MIB1: variants seen among roughly 807,000 people sequenced by gnomAD.
The protein encoded by MIB1 is MIB E3 ubiquitin protein ligase 1, also known as E3 ubiquitin-protein ligase MIB1.
In MIB1, 278 loss-of-function variants were observed where a neutral mutation model predicts 124.5. That is an observed-to-expected ratio of 2.23 (90% CI 2.02 to 2.47). MIB1 has a LOEUF of 2.47. Ranked by LOEUF, MIB1 falls within the 30% of genes most tolerant of loss-of-function variation. The pLI is 0.00. For synonymous variants in MIB1, 446 were observed against 429.4 expected, an observed-to-expected ratio of 1.04 and a Z score of -0.48; for missense variants, 957 against 1,254.4, an observed-to-expected ratio of 0.76 and a Z score of 3.58.
At chr18:21,840,665 ATTTT>A (rs375520508) in intron 13 of MIB1, among the ~76,000 whole-genome samples, 5 of 3,128 alleles carry the variant, frequency 1.6e-3, no homozygotes, top group Admixed American at 5.7e-3. Flanking sequence ...ATATATATAT[ATTTT>A]TTTTTTTTTT....
intron 4 of MIB1, 112 bp from the exon 5 acceptor site, chr18:21,777,991 T>A: frequency 1.4e-6 from 1 of 725,014 alleles, no homozygotes; most frequent in East Asian, 2.6e-5. Flanking sequence ...TGACCTAGAC[T>A]GTTCTTGATT....
chr18:21,856,936 C>G (rs1001928983), intron 18 of MIB1, among the ~76,000 whole-genome samples, 194 bp from the exon 19 acceptor site: 4 of 152,186 alleles, frequency 2.6e-5, no homozygotes, highest in African/African-American at 9.7e-5. Context: ...GATGGGCTCT[C>G]TATTCTGGAG....
At chr18:21,845,733 C>G (rs2042129376) in intron 15 of MIB1, among the ~76,000 whole-genome samples, 1 of 152,128 alleles carries the variant, frequency 6.6e-6, no homozygotes, top group Admixed American at 6.5e-5. Context: ...ACGCGATTCT[C>G]CTGCCTCAGC....
intron 10 of MIB1, among the ~76,000 whole-genome samples, chr18:21,805,895 C>A (rs902083596): frequency 1.7e-5 from 2 of 119,032 alleles, no homozygotes; most frequent in Non-Finnish European, 3.5e-5. Flanking sequence ...AATTTTCTTT[C>A]TTTCCTTTTT....
chr18:21,833,371 A>G (rs1000289890), intron 12 of MIB1, among the ~76,000 whole-genome samples: 1 of 152,168 alleles, frequency 6.6e-6, no homozygotes, highest in African/African-American at 2.4e-5. Flanking sequence ...TTTGATCAAA[A>G]TGTGTTCAGT....
At chr18:21,849,551 CTTATT>C (rs1340879427) in intron 17 of MIB1, among the ~76,000 whole-genome samples, 163 bp downstream of exon 17, 1 of 152,012 alleles carries the variant, frequency 6.6e-6, no homozygotes, top group Non-Finnish European at 1.5e-5. Context: ...ATCAGAATTT[CTTATT>C]TTATTGCTTG....
Position 21,819,614 on chromosome 18 carries a change from T to C in MIB1, c.1797T>C (p.Ala599=). 6.2e-7 allele frequency: 1 copy of C among 1,608,144 alleles called. No individual in the cohort carries two copies. The highest frequency in any genetic ancestry group is 8.5e-7 in the Non-Finnish European group (1 of 1,177,154). The part of the protein sequence containing the change: ...VTITNNNGFN[A]LHHAALRGNP... ...TCACAAACAATAATGGATTTAATGCTCTGCATCATGCTGCACTAAGGGGAA... is the reference window on the plus strand; with the variant it reads ...TCACAAACAATAATGGATTTAATGCCCTGCATCATGCTGCACTAAGGGGAA... The change falls in exon 12 of 21, where the codon GCT becomes GCC. Residue 599 remains alanine, a synonymous_variant. Coordinates refer to ENST00000261537, the MANE Select transcript of MIB1 (RefSeq NM_020774.4).
intron 12 of MIB1, among the ~76,000 whole-genome samples, chr18:21,825,100 C>G (rs1390217244): frequency 6.6e-6 from 1 of 151,810 alleles, no homozygotes; most frequent in Non-Finnish European, 1.5e-5. Context: ...GACTAAAAAC[C>G]TTTGATTCAG....
intron 12 of MIB1, among the ~76,000 whole-genome samples, chr18:21,837,759 G>C (rs1370253609): frequency 6.6e-6 from 1 of 151,972 alleles, no homozygotes; most frequent in Non-Finnish European, 1.5e-5. Flanking sequence ...TTTTGCTCCA[G>C]ACTTGGTTTA....
chr18:21,781,411 AT>A (rs2041365636), intron 6 of MIB1, among the ~76,000 whole-genome samples: 4 of 92,134 alleles, frequency 4.3e-5, no homozygotes, highest in Non-Finnish European at 6.3e-5. Context: ...ATATATATAT[AT>A]ATAAAATTAT....
chr18:21,836,860 A>G (rs965921732), intron 12 of MIB1, among the ~76,000 whole-genome samples: 3 of 152,212 alleles, frequency 2.0e-5, no homozygotes, highest in African/African-American at 7.2e-5. Context: ...CATCAGTAGT[A>G]TAATGTCGTA....
At chr18:21,735,957 T>G (rs1293868765), upstream of MIB1, among the ~76,000 whole-genome samples, 1 of 152,236 alleles carries the variant, frequency 6.6e-6, no homozygotes, top group Non-Finnish European at 1.5e-5. Flanking sequence ...AGCTTCAGCT[T>G]ACTTAAACGT....
In MIB1 at chr18:21,864,807, C is replaced by A; in HGVS notation, c.*141C>A. The A allele has an allele frequency of 1.8e-6, 1 of 541,480 alleles. No individual in the cohort carries two copies. Among genetic ancestry groups the A allele is most frequent in the Admixed American group, 3.5e-5 (1 of 28,756 alleles). The allele number at this position is 541,480 out of a possible 1,614,324, so 33.5% of individuals were successfully genotyped here. A position where few individuals can be genotyped will look rare whatever the true frequency, so the allele number is the denominator to read the frequency against. On this transcript the variant is annotated 3_prime_UTR_variant, in exon 21 of 21. Coordinates refer to ENST00000261537, the MANE Select transcript of MIB1 (RefSeq NM_020774.4). ...AGAGTATAATTGGGCTGTAAATGTA[C>A]CAGAACAAAAAACCCTACAAAATGG...
intron 6 of MIB1, 92 bp from the exon 7 acceptor site, chr18:21,791,282 A>T (rs2041500015): frequency 1.0e-6 from 1 of 960,852 alleles, no homozygotes; most frequent in Non-Finnish European, 1.5e-6. Context: ...ATTGCAAAGG[A>T]TTGCCTTACT....
Position 21,798,075 on chromosome 18 carries a change from T to A in MIB1, c.1093-9T>A. The A allele has an allele frequency of 1.2e-6, 2 of 1,612,032 alleles. No individual in the cohort carries two copies. The highest frequency in any genetic ancestry group is 8.5e-7 in the Non-Finnish European group (1 of 1,178,642). ...GACTTGGAAACATGAATCTATTTTT[T>A]TCCCCAAGACTTTAGGTAAAGTTGG... is the stretch of plus-strand genomic sequence containing the variant. On this transcript the variant is annotated splice_polypyrimidine_tract_variant and intron_variant, in intron 7 of 20. Coordinates refer to ENST00000261537, the MANE Select transcript of MIB1 (RefSeq NM_020774.4).
At chr18:21,778,025 G>T in intron 4 of MIB1, 78 bp from the exon 5 acceptor site, 1 of 963,956 alleles carries the variant, frequency 1.0e-6, no homozygotes, top group Non-Finnish European at 1.7e-6. Flanking sequence ...TGTTCTGAAT[G>T]AATATTCTTG....
In MIB1 at chr18:21,815,436, T is replaced by C. The variant is rs1437246005; in HGVS notation, c.1480-180T>C. On this transcript the variant is annotated intron_variant, in intron 10 of 20. Coordinates refer to ENST00000261537, the MANE Select transcript of MIB1 (RefSeq NM_020774.4). ...GGCCTCAAGTGATCCTTCTGCCTTG[T>C]CCTCCCAAAGTGCTGGGATTACAGG... Among the ~76,000 whole-genome samples the C allele has an allele frequency of 2.0e-5, 3 of 151,626 alleles. No individual in the cohort carries two copies. The East Asian group carries it at 5.9e-4, about 30-fold the overall frequency.
Position 21,799,931 on chromosome 18 carries a change from A to G in MIB1, c.1328A>G (p.Asp443Gly). Residue 443 changes from aspartate (D) to glycine (G), a missense_variant, in exon 9 of 21, where the codon GAT (aspartate) becomes GGT (glycine). Physicochemically the swap from Asp to Gly is moderately conservative, Grantham distance 94. Coordinates refer to ENST00000261537, the MANE Select transcript of MIB1 (RefSeq NM_020774.4). ...TTAGTTAAGGCTGCTGCCAATGGAG[A>G]TGTTGCTAAAGTGGAAGATTTGCTT... is the stretch of plus-strand genomic sequence containing the variant. ...EELVKAAANG[D>G]VAKVEDLLKR... 6.2e-7 allele frequency: 1 copy of G among 1,612,350 alleles called. No homozygotes were observed. The highest frequency in any genetic ancestry group is 8.5e-7 in the Non-Finnish European group (1 of 1,178,804).
Position 21,857,244 on chromosome 18 carries a change from G to GTT in MIB1, c.2779+2_2779+3insTT. On this transcript the variant is annotated splice_donor_variant, in intron 19 of 20. Coordinates refer to ENST00000261537, the MANE Select transcript of MIB1 (RefSeq NM_020774.4). LOFTEE classifies it high-confidence loss of function. ...TCAGAAGATGCCACTGATGATATCT[G>GTT]TAAGTCGATTGTCTTAAGCATTTTC... The GTT allele has an allele frequency of 1.2e-6, 2 of 1,602,792 alleles. No homozygotes were observed. Among genetic ancestry groups the GTT allele is most frequent in the Non-Finnish European group, 1.7e-6 (2 of 1,169,728 alleles).
Sources: gnomAD v4.1 joint callset for allele counts (sites outside exome capture counted in the v4.1 genomes callset) on GRCh38, gnomAD v4.1.1 for gene constraint, MANE v1.5 for transcripts, NCBI Gene and HGNC (gene_info 2026-07-23, HGNC 2026-07-21) for gene names.